TNIP3: variants seen among roughly 807,000 people sequenced by gnomAD.
TNIP3 encodes the protein TNFAIP3-interacting protein 3.
A neutral mutation model predicts 54.1 loss-of-function variants in TNIP3; 34 were observed. The ratio of observed to expected loss-of-function variants is 0.63; its 90% CI spans 0.48 to 0.84. TNIP3 has a LOEUF of 0.84. Among genes scored for constraint, TNIP3 ranks in the 40% least tolerant of loss-of-function variants. The pLI is 0.00. For missense variants in TNIP3, 366 were observed against 387.6 expected (o/e 0.94, Z 0.47); for synonymous variants, 134 against 136.8 (o/e 0.98, Z 0.14).
At chr4:121,179,795 T>G (rs1325554697) in intron 3 of TNIP3, among the ~76,000 whole-genome samples, 1 of 146,400 alleles carries the variant, frequency 6.8e-6, no homozygotes, top group African/African-American at 2.6e-5. Context: ...TTCACCAGCA[T>G]AGAAAATGTG....
intron 9 of TNIP3, among the ~76,000 whole-genome samples, chr4:121,140,119 A>T (rs924641899): frequency 1.3e-5 from 2 of 152,128 alleles, no homozygotes; most frequent in Admixed American, 6.6e-5. Context: ...GCGGATCATG[A>T]GGTCAGGAGT....
intron 2 of TNIP3, chr4:121,182,835 G>C: frequency 6.5e-7 from 1 of 1,531,264 alleles, no homozygotes; most frequent in South Asian, 1.2e-5. Context: ...TTATACAAAG[G>C]TAATTAAAAA....
At chr4:121,170,795 A>G (rs6845343) in intron 3 of TNIP3, among the ~76,000 whole-genome samples, 5,387 of 152,140 alleles carry the variant, frequency 0.035, 318 homozygotes, top group African/African-American at 0.12. Context: ...TATGTAGCTA[A>G]TTCTTTCTTT....
At chr4:121,205,361 T>TG (rs1227886560) in intron 2 of TNIP3, among the ~76,000 whole-genome samples, 16 of 151,942 alleles carry the variant, frequency 1.1e-4, no homozygotes, top group Admixed American at 8.5e-4. Context: ...TGGCTGGAGT[T>TG]GGGGGAGTAA....
upstream of TNIP3, among the ~76,000 whole-genome samples, chr4:121,164,497 T>C (rs1284037353): frequency 2.0e-5 from 3 of 152,160 alleles, no homozygotes; most frequent in Admixed American, 6.6e-5. Flanking sequence ...AGGAGGAAGT[T>C]CTCCACCACA....
At chr4:121,227,443 C>A in exon 1 of TNIP3, 1 of 1,464,030 alleles carries the variant, frequency 6.8e-7, no homozygotes, top group Non-Finnish European at 9.2e-7. Context: ...AGGTCTAATA[C>A]GGAGACCTGT....
chr4:121,209,260 G>A (rs1726348267), intron 2 of TNIP3, among the ~76,000 whole-genome samples: 1 of 152,198 alleles, frequency 6.6e-6, no homozygotes, highest in African/African-American at 2.4e-5. Context: ...AGTTCTGTGA[G>A]TCCTTCTCAT....
upstream of TNIP3, among the ~76,000 whole-genome samples, chr4:121,167,477 G>A (rs1405013264): frequency 6.6e-6 from 1 of 152,162 alleles, no homozygotes; most frequent in Non-Finnish European, 1.5e-5. Flanking sequence ...AGGGAGCACA[G>A]TAAGAAACAG....
chr4:121,175,691 G>C (rs539979713), intron 3 of TNIP3, among the ~76,000 whole-genome samples: 3 of 152,222 alleles, frequency 2.0e-5, no homozygotes, highest in Non-Finnish European at 4.4e-5. Flanking sequence ...CTACTCAAAA[G>C]TGTGTCTTAT....
intron 1 of TNIP3, among the ~76,000 whole-genome samples, chr4:121,225,623 G>A (rs1727224612): frequency 6.6e-6 from 1 of 152,204 alleles, no homozygotes; most frequent in Non-Finnish European, 1.5e-5. Flanking sequence ...AGAAAGCAGT[G>A]TTTAGAAAAA....
chr4:121,161,875 A>G (rs1270913236), intron 1 of TNIP3, among the ~76,000 whole-genome samples: 1 of 152,204 alleles, frequency 6.6e-6, no homozygotes, highest in Non-Finnish European at 1.5e-5. Context: ...GTATTCATTT[A>G]AAGATAACAC....
intron 2 of TNIP3, among the ~76,000 whole-genome samples, chr4:121,185,869 G>A (rs1271680282): frequency 1.3e-5 from 2 of 152,168 alleles, no homozygotes; most frequent in Non-Finnish European, 2.9e-5. Context: ...ATCCATTATT[G>A]CAAGGTACTG....
At chr4:121,197,871 G>T (rs1725686295) in intron 2 of TNIP3, among the ~76,000 whole-genome samples, 1 of 152,182 alleles carries the variant, frequency 6.6e-6, no homozygotes, top group East Asian at 1.9e-4. Flanking sequence ...GAATGTCATG[G>T]TATAGATTCA....
chr4:121,135,998 C>A (rs1237759477), intron 10 of TNIP3, among the ~76,000 whole-genome samples: 1 of 152,148 alleles, frequency 6.6e-6, no homozygotes, highest in Non-Finnish European at 1.5e-5. Context: ...TTTGGTGGTG[C>A]CCTAACCATG....
intron 1 of TNIP3, among the ~76,000 whole-genome samples, chr4:121,221,735 G>T (rs1727032546): frequency 6.6e-6 from 1 of 151,962 alleles, no homozygotes; most frequent in Non-Finnish European, 1.5e-5. Context: ...CCAAAAGAAA[G>T]AACTACCCAA....
At chr4:121,219,433 T>C (rs1394434099), upstream of TNIP3, among the ~76,000 whole-genome samples, 2 of 152,218 alleles carry the variant, frequency 1.3e-5, no homozygotes, top group Non-Finnish European at 2.9e-5. Flanking sequence ...TGTTCTTGGA[T>C]GCATTTCAGC....
intron 7 of TNIP3, among the ~76,000 whole-genome samples, chr4:121,143,541 A>AT (rs928996626): frequency 6.6e-5 from 10 of 152,232 alleles, no homozygotes; most frequent in African/African-American, 1.9e-4. Flanking sequence ...TTACTGTGTG[A>AT]TTTTTTAGAC....
At chr4:121,151,338 A>G (rs1329982961) in intron 5 of TNIP3, among the ~76,000 whole-genome samples, 3 of 152,224 alleles carry the variant, frequency 2.0e-5, no homozygotes, top group African/African-American at 7.2e-5. Flanking sequence ...TAATATGGTC[A>G]TAAAGGTAGG....
intron 1 of TNIP3, among the ~76,000 whole-genome samples, chr4:121,162,089 T>C (rs1264761468): frequency 6.6e-6 from 1 of 152,212 alleles, no homozygotes; most frequent in East Asian, 1.9e-4. Flanking sequence ...TGTGGATCAC[T>C]AAGTTGCTTA....
Sources: allele counts gnomAD v4.1 joint callset (sites outside exome capture counted in the v4.1 genomes callset), GRCh38; gene constraint gnomAD v4.1.1; transcripts MANE v1.5; gene names NCBI Gene and HGNC (gene_info 2026-07-23, HGNC 2026-07-21).